Variants in RNF13 observed in about 807,000 individuals in gnomAD.
RNF13 encodes ring finger protein 13.
RNF13 carries 19 observed loss-of-function variants against 37.7 expected under a neutral mutation model. That is an observed-to-expected ratio of 0.50 (90% confidence interval 0.35 to 0.74). The LOEUF (loss-of-function observed/expected upper bound fraction) is 0.74. Among genes scored for constraint, RNF13 ranks in the 30% least tolerant of loss-of-function variants. The pLI is 0.01. For synonymous variants in RNF13, 144 were observed against 157.8 expected (o/e 0.91, Z 0.65); for missense variants, 375 against 453.0 (o/e 0.83, Z 1.56).
intron 4 of RNF13, among the ~76,000 whole-genome samples, chr3:149,874,841 A>G (rs755103069): frequency 1.3e-5 from 2 of 152,154 alleles, no homozygotes; most frequent in Admixed American, 6.5e-5. Flanking sequence ...TCGCACCCTA[A>G]AGAAGATTTC....
chr3:149,952,747 G>A (rs995953393), intron 8 of RNF13, among the ~76,000 whole-genome samples: 2 of 152,194 alleles, frequency 1.3e-5, no homozygotes, highest in African/African-American at 2.4e-5. Context: ...TTACAGGCAT[G>A]CGTTACAACG....
intron 8 of RNF13, among the ~76,000 whole-genome samples, chr3:149,933,395 C>T (rs558305183): frequency 1.3e-5 from 2 of 151,992 alleles, no homozygotes; most frequent in African/African-American, 4.8e-5. Flanking sequence ...AGCCTTAATA[C>T]CACATGGAAG....
chr3:149,851,984 G>T (rs1723162383), intron 2 of RNF13, among the ~76,000 whole-genome samples: 1 of 152,132 alleles, frequency 6.6e-6, no homozygotes, highest in Non-Finnish European at 1.5e-5. Flanking sequence ...AGCTTTTTCC[G>T]TGTATGTATT....
chr3:149,814,623 G>A (rs1719235771), intron 1 of RNF13, among the ~76,000 whole-genome samples: 1 of 152,156 alleles, frequency 6.6e-6, no homozygotes, highest in African/African-American at 2.4e-5. Context: ...AAATATTATG[G>A]CAAGAAGCTT....
intron 3 of RNF13, among the ~76,000 whole-genome samples, chr3:149,853,031 G>T (rs1286961136): frequency 6.6e-6 from 1 of 151,892 alleles, no homozygotes; most frequent in Non-Finnish European, 1.5e-5. Context: ...GTTTTTTCAT[G>T]CTGATAGGTA....
At chr3:149,935,472 C>G (rs1719582186) in intron 8 of RNF13, among the ~76,000 whole-genome samples, 1 of 151,822 alleles carries the variant, frequency 6.6e-6, no homozygotes, top group Admixed American at 6.6e-5. Context: ...CTTTCTCTTT[C>G]ACCTTTCTTT....
chr3:149,831,877 G>C (rs1284278776), intron 1 of RNF13, among the ~76,000 whole-genome samples: 1 of 152,160 alleles, frequency 6.6e-6, no homozygotes, highest in Admixed American at 6.5e-5. Context: ...TATTTAGGTG[G>C]TGTGTGAGCT....
At chr3:149,918,687 C>G (rs771195516) in intron 7 of RNF13, among the ~76,000 whole-genome samples, 1 of 148,326 alleles carries the variant, frequency 6.7e-6, no homozygotes, top group Non-Finnish European at 1.5e-5. Context: ...CCATGCCCAG[C>G]TAATTGTTTT....
At chr3:149,902,001 T>C in intron 5 of RNF13, 71 bp from the exon 6 acceptor site, 1 of 592,076 alleles carries the variant, frequency 1.7e-6, no homozygotes. Flanking sequence ...CATTTGCTGC[T>C]ATTATGAAGA....
intron 4 of RNF13, among the ~76,000 whole-genome samples, chr3:149,886,638 C>A: frequency 6.6e-6 from 1 of 152,244 alleles, no homozygotes; most frequent in Middle Eastern, 3.4e-3. Context: ...CTGTACAATA[C>A]TAAATAGAAG....
At chr3:149,841,713 G>A (rs560505618) in intron 1 of RNF13, among the ~76,000 whole-genome samples, 1 of 152,136 alleles carries the variant, frequency 6.6e-6, no homozygotes, top group African/African-American at 2.4e-5. Flanking sequence ...TCTGCCTCCC[G>A]GGTTCAAGTG....
chr3:149,889,791 A>T (rs1294976897), intron 4 of RNF13, among the ~76,000 whole-genome samples: 1 of 151,514 alleles, frequency 6.6e-6, no homozygotes, highest in Non-Finnish European at 1.5e-5. Context: ...AGTAGCTAGG[A>T]CTACAGGCGT....
chr3:149,957,842 AG>A (rs1722012273), intron 8 of RNF13, among the ~76,000 whole-genome samples: 1 of 152,212 alleles, frequency 6.6e-6, no homozygotes, highest in South Asian at 2.1e-4. Context: ...AAAGTTACAT[AG>A]CTAATAAAAG....
chr3:149,850,053 C>A (rs991282790), intron 2 of RNF13, among the ~76,000 whole-genome samples: 15 of 151,132 alleles, frequency 9.9e-5, no homozygotes, highest in African/African-American at 3.7e-4. Flanking sequence ...AATCTTGGCT[C>A]CCTGCAACAT....
intron 1 of RNF13, among the ~76,000 whole-genome samples, chr3:149,837,106 G>C (rs1203284095): frequency 1.3e-5 from 2 of 152,150 alleles, no homozygotes; most frequent in Non-Finnish European, 2.9e-5. Context: ...TTACTGAACT[G>C]TATACTTTAA....
chr3:149,821,205 T>C (rs961335525), intron 1 of RNF13, among the ~76,000 whole-genome samples: 2 of 152,214 alleles, frequency 1.3e-5, no homozygotes, highest in Non-Finnish European at 2.9e-5. Context: ...CTGGGTCTTA[T>C]GGTAATTTTG....
chr3:149,813,947 C>T (rs545446078), intron 1 of RNF13: 3 of 152,274 alleles, frequency 2.0e-5, no homozygotes, highest in Non-Finnish European at 4.4e-5. Context: ...AGTGGGCAGA[C>T]ATCGAAGCCA....
At chr3:149,838,596 T>G (rs1445834505) in intron 1 of RNF13, among the ~76,000 whole-genome samples, 2 of 152,200 alleles carry the variant, frequency 1.3e-5, no homozygotes, top group African/African-American at 2.4e-5. Flanking sequence ...TTGGCTCTGT[T>G]TAGCCACGGC....
chr3:149,818,114 T>C (rs2108306967), intron 1 of RNF13, among the ~76,000 whole-genome samples: 1 of 152,338 alleles, frequency 6.6e-6, no homozygotes, highest in East Asian at 1.9e-4. Context: ...TTACTTTTCT[T>C]GTCATACCAT....
Sources: allele counts gnomAD v4.1 joint callset (sites outside exome capture counted in the v4.1 genomes callset), GRCh38; gene constraint gnomAD v4.1.1; transcripts MANE v1.5; gene names NCBI Gene and HGNC (gene_info 2026-07-23, HGNC 2026-07-21).